The following OSCP1 variants were observed in gnomAD, a reference collection of about 807,000 sequenced individuals.
OSCP1 encodes protein OSCP1.
Under a neutral mutation model 45.1 loss-of-function variants are expected in OSCP1, and 35 were observed. The observed-to-expected ratio is 0.78, with a 90% CI of 0.59 to 1.03. The LOEUF is 1.03. Ranked by LOEUF, OSCP1 falls within the 50% of genes least tolerant of loss-of-function variation. The pLI, the probability that OSCP1 is intolerant of heterozygous loss-of-function variation, is 0.00. For missense variants in OSCP1, 400 were observed against 470.7 expected, an observed-to-expected ratio of 0.85 and a Z score of 1.39; for synonymous variants, 179 against 180.1, an observed-to-expected ratio of 0.99 and a Z score of 0.05.
At chr1:36,425,271 T>C (rs1238314930) in intron 4 of OSCP1, among the ~76,000 whole-genome samples, 3 of 152,008 alleles carry the variant, frequency 2.0e-5, no homozygotes, top group Admixed American at 1.3e-4. Context: ...CTTGGCATAC[T>C]GATGTTAGAC....
chr1:36,448,108 T>C (rs1649654899), intron 1 of OSCP1, among the ~76,000 whole-genome samples: 1 of 152,232 alleles, frequency 6.6e-6, no homozygotes, highest in Non-Finnish European at 1.5e-5. Context: ...AACTTTGCTT[T>C]AACATATATG....
intron 8 of OSCP1, 126 bp downstream of exon 8, chr1:36,420,350 G>C (rs1647543179): frequency 8.6e-7 from 1 of 1,159,260 alleles, no homozygotes; most frequent in East Asian, 2.4e-5. Flanking sequence ...TATTAAATTT[G>C]TTGGTATTTT....
chr1:36,432,522 A>C lies in OSCP1; in HGVS notation c.335T>G (p.Leu112Arg). 1 of 1,614,194 alleles carries C rather than the reference A, an allele frequency of 6.2e-7. No homozygotes were observed. The highest frequency in any genetic ancestry group is 8.5e-7 in the Non-Finnish European group (1 of 1,180,036). ...ATCCAAGTGATTGAAAGTGACCAGC[A>C]GCACATCCTTGGGTCGGGGACACAG... ...VLLCPRPKDV[L>R]LVTFNHLDTI... The change falls in exon 3 of 10, where the codon CTG (leucine) becomes CGG (arginine). Residue 112 changes from leucine to arginine, a missense_variant. Coordinates refer to ENST00000235532, the MANE Select transcript of OSCP1 (RefSeq NM_145047.5).
intron 1 of OSCP1, chr1:36,444,139 A>C: frequency 7.4e-7 from 1 of 1,343,734 alleles, no homozygotes; most frequent in Non-Finnish European, 1.1e-6. Flanking sequence ...ATGAAACTTT[A>C]CTTTTCACGT....
chr1:36,437,944 G>A (rs1407190844), intron 2 of OSCP1, among the ~76,000 whole-genome samples: 2 of 152,170 alleles, frequency 1.3e-5, no homozygotes, highest in Non-Finnish European at 2.9e-5. Context: ...GGAGACTGAG[G>A]CAGGAAGATC....
intron 9 of OSCP1, 95 bp from the exon 10 acceptor site, chr1:36,418,350 G>GAAAC: frequency 9.9e-7 from 1 of 1,011,106 alleles, no homozygotes; most frequent in Non-Finnish European, 1.5e-6. Flanking sequence ...TCCCATGACT[G>GAAAC]ATATGTTTCA....
chr1:36,432,029 A>T, intron 3 of OSCP1, 147 bp from the exon 4 acceptor site: 1 of 674,466 alleles, frequency 1.5e-6, no homozygotes, highest in Non-Finnish European at 2.5e-6. Context: ...CGGGGAGACC[A>T]GCAGTGCTGC....
chr1:36,445,669 T>C (rs1364275974), intron 1 of OSCP1, among the ~76,000 whole-genome samples: 1 of 152,226 alleles, frequency 6.6e-6, no homozygotes, highest in Non-Finnish European at 1.5e-5. Context: ...TACTGTTTTC[T>C]TTGGCACAAT....
chr1:36,439,092 G>A, intron 1 of OSCP1, 182 bp from the exon 2 acceptor site: 1 of 521,894 alleles, frequency 1.9e-6, no homozygotes, highest in Non-Finnish European at 3.3e-6. Flanking sequence ...AGGGCTCTGA[G>A]AGTGCTTTAT....
intron 4 of OSCP1, among the ~76,000 whole-genome samples, chr1:36,427,299 C>T (rs866676324): frequency 9.3e-5 from 9 of 96,328 alleles, no homozygotes; most frequent in African/African-American, 1.9e-4. Context: ...GGCGCCTGGC[C>T]TTTTTTTTTT....
chr1:36,450,371 G>C lies in OSCP1; in HGVS notation c.-2C>G. The C allele has an allele frequency of 6.2e-7, 1 of 1,613,368 alleles. No individual in the cohort carries two copies. Among genetic ancestry groups the C allele is most frequent in the Non-Finnish European group, 8.5e-7 (1 of 1,179,386 alleles). On this transcript the variant is annotated 5_prime_UTR_variant, in exon 1 of 10. Transcript: ENST00000235532. ...CAGCGGTAGCGTCCGCACCGACATG[G>C]TGCTGGAAACGAGCTGGACTGGTGA...
rs1292889460 is a variant in OSCP1 at position 36,450,344 on chromosome 1, A to G, written c.26T>C (p.Leu9Pro). Residue 9 changes from leucine to proline, a missense_variant, in exon 1 of 10, where the codon CTC (leucine) becomes CCC (proline). By Grantham distance (98) the Leu-to-Pro change is moderately conservative (BLOSUM62 -3). Coordinates refer to ENST00000235532, the MANE Select transcript of OSCP1 (RefSeq NM_145047.5). ...CATCTCCCCGCCCAAGTTCAAGAAG[A>G]GCAGCGGTAGCGTCCGCACCGACAT... MSVRTLPL[L>P]FLNLGGEMLY... 6.2e-7 allele frequency: 1 copy of G among 1,613,796 alleles called. No homozygotes were observed. Among genetic ancestry groups the G allele is most frequent in the Admixed American group, 1.7e-5 (1 of 60,000 alleles).
At position 36,418,264 on chromosome 1, in the gene OSCP1, G is replaced by A. The variant is rs1216095901; in HGVS notation, c.1024-9C>T. On this transcript the variant is annotated splice_polypyrimidine_tract_variant and intron_variant, in intron 9 of 9. Transcript: ENST00000235532. ...TCGCTCCGTTGCTGGTCCTATGAGG[G>A]AAATGAGAGGTAAAAGGGCATGAAG... 6.2e-7 allele frequency: 1 copy of A among 1,613,832 alleles called. No individual in the cohort carries two copies. Among genetic ancestry groups the A allele is most frequent in the Admixed American group, 1.7e-5 (1 of 60,018 alleles).
chr1:36,436,270 A>ATT lies in OSCP1; in HGVS notation c.267+2484_267+2485dup, dbSNP rs558128409. The stretch of plus-strand genomic sequence containing the variant: ...AGGCGCCCACCACCACACCGGGCTA[A>ATT]TTTTTTTTTTTTTGTATTTTTAGTA... On this transcript the variant is annotated intron_variant, in intron 2 of 9. Transcript: ENST00000235532. Among the ~76,000 whole-genome samples the ATT allele has an allele frequency of 3.5e-5, 5 of 142,572 alleles. No individual in the cohort carries two copies. The East Asian group carries it at 6.1e-4, about 18-fold the overall frequency. The allele number at this position is 142,572 out of a possible 152,430, so 93.5% of individuals were successfully genotyped here. A position where few individuals can be genotyped will look rare whatever the true frequency, so the allele number is the denominator to read the frequency against.
intron 4 of OSCP1, among the ~76,000 whole-genome samples, chr1:36,427,769 T>A (rs1369878886): frequency 2.0e-5 from 3 of 152,272 alleles, no homozygotes; most frequent in African/African-American, 7.2e-5. Flanking sequence ...ATTGTTATTT[T>A]AAATTTAATG....
intron 4 of OSCP1, among the ~76,000 whole-genome samples, chr1:36,425,070 G>A (rs1216294049): frequency 6.6e-6 from 1 of 151,628 alleles, no homozygotes; most frequent in Non-Finnish European, 1.5e-5. Flanking sequence ...CTACTCACAA[G>A]GACAAGGCAC....
intron 4 of OSCP1, among the ~76,000 whole-genome samples, chr1:36,426,695 C>A (rs1049840826): frequency 6.6e-6 from 1 of 152,104 alleles, no homozygotes; most frequent in Non-Finnish European, 1.5e-5. Context: ...TTCCTTCTCG[C>A]CTGCTGTATT....
chr1:36,422,643 A>G, intron 6 of OSCP1, 125 bp downstream of exon 6: 2 of 1,003,422 alleles, frequency 2.0e-6, no homozygotes, highest in Non-Finnish European at 2.8e-6. Context: ...AGTGTACCTA[A>G]GGGGAAATTA....
Position 36,433,513 on chromosome 1 carries a change from G to T in OSCP1, c.268-924C>A, listed in dbSNP as rs78848882. 4.7e-3 allele frequency among the ~76,000 whole-genome samples: 708 copies of T among 152,006 alleles called. 23 individuals carry two copies. In the East Asian group the frequency reaches 0.082, roughly 18 times the overall value. ...AATGGGGAGGGAGGGAGGGAGGTAG[G>T]GGTCAAGGGCTGAAAAACTAACTAT... On this transcript the variant is annotated intron_variant, in intron 2 of 9. Transcript: ENST00000235532.
Sources: gnomAD v4.1 joint callset for allele counts (sites outside exome capture counted in the v4.1 genomes callset) on GRCh38, gnomAD v4.1.1 for gene constraint, MANE v1.5 for transcripts, NCBI Gene and HGNC (gene_info 2026-07-23, HGNC 2026-07-21) for gene names.